GTF2IRD1: variants seen among roughly 807,000 people sequenced by gnomAD.
GTF2IRD1 encodes the protein GTF2I repeat domain containing 1.
A neutral mutation model predicts 113.2 loss-of-function variants in GTF2IRD1; 26 were observed. That is an observed-to-expected ratio of 0.23 (90% confidence interval 0.17 to 0.32). The LOEUF is 0.32. Ranked by LOEUF, GTF2IRD1 falls within the 10% of genes least tolerant of loss-of-function variation. The pLI is 1.00. For missense variants in GTF2IRD1, 864 were observed against 1,280.8 expected (o/e 0.67, Z 4.97); for synonymous variants, 484 against 529.1 (o/e 0.91, Z 1.17).
intron 2 of GTF2IRD1, among the ~76,000 whole-genome samples, chr7:74,511,503 C>T (rs946270999): frequency 4.6e-5 from 7 of 152,202 alleles, no homozygotes; most frequent in Admixed American, 2.0e-4. Context: ...AGTGTTCCCG[C>T]GCAGAAAGGG....
intron 2 of GTF2IRD1, among the ~76,000 whole-genome samples, chr7:74,510,951 A>T (rs1225641641): frequency 2.6e-5 from 4 of 151,678 alleles, no homozygotes; most frequent in Admixed American, 6.6e-5. Context: ...CGGGAGGCCG[A>T]GGCAGGAGAA....
intron 22 of GTF2IRD1, among the ~76,000 whole-genome samples, chr7:74,586,151 G>C (rs1801702906): frequency 6.6e-6 from 1 of 152,194 alleles, no homozygotes; most frequent in Non-Finnish European, 1.5e-5. Context: ...CATGCCTGCT[G>C]AGAATCCTGC....
chr7:74,583,023 A>AAAAG (rs1351539723), intron 22 of GTF2IRD1, among the ~76,000 whole-genome samples: 16 of 152,144 alleles, frequency 1.1e-4, no homozygotes, highest in Non-Finnish European at 1.5e-4. Context: ...AAATTAAATA[A>AAAAG]AAAGAAAGAG....
chr7:74,537,888 C>G (rs1798392662), intron 11 of GTF2IRD1, among the ~76,000 whole-genome samples: 1 of 152,208 alleles, frequency 6.6e-6, no homozygotes, highest in African/African-American at 2.4e-5. Context: ...GATGGTTCAC[C>G]CCAGGAGAGT....
At chr7:74,524,045 C>A in intron 7 of GTF2IRD1, 26 bp from the exon 8 acceptor site, 1 of 1,547,494 alleles carries the variant, frequency 6.5e-7, no homozygotes, top group Non-Finnish European at 8.9e-7. Flanking sequence ...GGGCCCTGCT[C>A]ACTTGTGCCT....
At chr7:74,479,025 C>T (rs962503474) in intron 1 of GTF2IRD1, among the ~76,000 whole-genome samples, 4 of 152,080 alleles carry the variant, frequency 2.6e-5, no homozygotes, top group East Asian at 1.9e-4. Context: ...TGGGACCCCC[C>T]GTCGCCAGCT....
At chr7:74,535,207 C>T in intron 10 of GTF2IRD1, 69 bp downstream of exon 10, 13 of 1,259,422 alleles carry the variant, frequency 1.0e-5, no homozygotes, top group Admixed American at 6.7e-5. Context: ...CGAGCTGCCA[C>T]CACCCTGGAC....
At chr7:74,538,947 T>A (rs1798469048) in intron 13 of GTF2IRD1, among the ~76,000 whole-genome samples, 187 bp downstream of exon 13, 1 of 152,228 alleles carries the variant, frequency 6.6e-6, no homozygotes, top group South Asian at 2.1e-4. Context: ...ATCAGTGTTC[T>A]CAGCTCTGAC....
Position 74,570,630 on chromosome 7 carries a change from C to T in GTF2IRD1, c.2320+10975C>T, listed in dbSNP as rs182466540. ...GATCACACCACTGCACTCTAGCCTG[C>T]GAGACAGAATGAGACCTTGTCTTTC... On this transcript the variant is annotated intron_variant, in intron 22 of 26. Transcript: ENST00000424337. Among the ~76,000 whole-genome samples the T allele has an allele frequency of 7.5e-3, 1,142 of 152,166 alleles. 7 individuals are homozygous for T. Among genetic ancestry groups the T allele is most frequent in the Non-Finnish European group, 0.013 (876 of 68,014 alleles).
At chr7:74,561,507 T>C (rs369766154) in intron 22 of GTF2IRD1, among the ~76,000 whole-genome samples, 18 of 150,836 alleles carry the variant, frequency 1.2e-4, no homozygotes, top group African/African-American at 4.4e-4. Context: ...GATGGGACTT[T>C]GAGAGGCAGA....
At chr7:74,559,110 A>C in intron 21 of GTF2IRD1, 66 bp downstream of exon 21, 3 of 1,392,488 alleles carry the variant, frequency 2.2e-6, no homozygotes, top group Non-Finnish European at 3.0e-6. Context: ...GCACCTGCGA[A>C]TCCTTAGCCT....
chr7:74,528,947 A>G (rs1317761366), intron 8 of GTF2IRD1, among the ~76,000 whole-genome samples: 32 of 68,276 alleles, frequency 4.7e-4, no homozygotes, highest in East Asian at 1.8e-3. Context: ...GGATGGGTGG[A>G]TGGATGGATG....
At chr7:74,551,152 G>T (rs1799282774) in intron 17 of GTF2IRD1, among the ~76,000 whole-genome samples, 1 of 152,066 alleles carries the variant, frequency 6.6e-6, no homozygotes, top group Admixed American at 6.6e-5. Context: ...AATCAGCCTG[G>T]CCAACATGGT....
intron 22 of GTF2IRD1, among the ~76,000 whole-genome samples, chr7:74,569,511 A>G (rs1296439170): frequency 6.6e-6 from 1 of 152,162 alleles, no homozygotes; most frequent in African/African-American, 2.4e-5. Context: ...TGCTGCCGGA[A>G]TGGTAAAGGG....
chr7:74,489,515 G>A (rs1795213780), intron 1 of GTF2IRD1, among the ~76,000 whole-genome samples: 1 of 151,984 alleles, frequency 6.6e-6, no homozygotes, highest in South Asian at 2.1e-4. Context: ...GCTAATTTTT[G>A]TATTTTTAGT....
chr7:74,504,035 T>C (rs1796169440), intron 1 of GTF2IRD1, among the ~76,000 whole-genome samples: 1 of 152,222 alleles, frequency 6.6e-6, no homozygotes, highest in Non-Finnish European at 1.5e-5. Flanking sequence ...CTATGTTAAT[T>C]TGCGTAGGAT....
At chr7:74,466,979 C>G (rs1793760679) in intron 1 of GTF2IRD1, among the ~76,000 whole-genome samples, 1 of 149,088 alleles carries the variant, frequency 6.7e-6, no homozygotes, top group African/African-American at 2.5e-5. Flanking sequence ...GAGACAGGGT[C>G]TCGCTCCATT....
intron 22 of GTF2IRD1, among the ~76,000 whole-genome samples, chr7:74,588,168 C>T (rs587655394): frequency 4.8e-5 from 7 of 144,754 alleles, no homozygotes; most frequent in East Asian, 2.0e-4. Flanking sequence ...AGTGCAGTGG[C>T]GCGATCTCAG....
chr7:74,510,633 C>T (rs541675447), intron 2 of GTF2IRD1, among the ~76,000 whole-genome samples: 69 of 151,996 alleles, frequency 4.5e-4, no homozygotes, highest in Non-Finnish European at 8.1e-4. Flanking sequence ...TTCGTTAAAA[C>T]GAAATAAACA....
Sources: gnomAD v4.1 joint callset for allele counts (sites outside exome capture counted in the v4.1 genomes callset) on GRCh38, gnomAD v4.1.1 for gene constraint, MANE v1.5 for transcripts, NCBI Gene and HGNC (gene_info 2026-07-23, HGNC 2026-07-21) for gene names.